The following TNFRSF10B variants were observed in gnomAD, a reference collection of about 807,000 sequenced individuals.
TNFRSF10B encodes the protein tumor necrosis factor receptor superfamily member 10B.
Under a neutral mutation model 41.4 loss-of-function variants are expected in TNFRSF10B, and 35 were observed. That is an observed-to-expected ratio of 0.85 (90% confidence interval 0.65 to 1.12). The LOEUF (loss-of-function observed/expected upper bound fraction) is 1.12, where lower values mean the gene tolerates loss of function less well. Among genes scored for constraint, TNFRSF10B ranks in the 50% most tolerant of loss-of-function variants. The pLI, the probability that TNFRSF10B is intolerant of heterozygous loss-of-function variation, is 0.00. For synonymous variants in TNFRSF10B, 230 were observed against 215.5 expected (o/e 1.07, Z -0.59); for missense variants, 584 against 552.7 (o/e 1.06, Z -0.57).
intron 2 of TNFRSF10B, among the ~76,000 whole-genome samples, chr8:23,033,307 G>A (rs1031394297): frequency 6.6e-5 from 10 of 152,132 alleles, no homozygotes; most frequent in Admixed American, 1.3e-4. Context: ...ACTGGAGGCC[G>A]GGTGCGGTGG....
intron 4 of TNFRSF10B, among the ~76,000 whole-genome samples, chr8:23,029,321 A>G (rs530181748): frequency 1.3e-5 from 2 of 152,360 alleles, no homozygotes; most frequent in Admixed American, 1.3e-4. Flanking sequence ...TCTTATTTCA[A>G]GAGAAATTAA....
chr8:23,028,128 C>T, intron 5 of TNFRSF10B: 1 of 685,130 alleles, frequency 1.5e-6, no homozygotes, highest in Non-Finnish European at 2.4e-6. Flanking sequence ...TGGGGACCCC[C>T]AGACCTGGGA....
intron 4 of TNFRSF10B, among the ~76,000 whole-genome samples, chr8:23,028,976 T>A (rs1191366376): frequency 1.3e-5 from 2 of 152,182 alleles, no homozygotes; most frequent in Admixed American, 1.3e-4. Context: ...ACCACAAAAG[T>A]GAGCTCTTGT....
chr8:23,023,205 G>A (rs944799044), intron 8 of TNFRSF10B, among the ~76,000 whole-genome samples: 6 of 152,126 alleles, frequency 3.9e-5, no homozygotes, highest in Non-Finnish European at 5.9e-5. Context: ...AGTCGTCAGA[G>A]AATCAGCCCT....
chr8:23,057,179 A>G (rs908881284), intron 1 of TNFRSF10B, among the ~76,000 whole-genome samples: 5 of 150,970 alleles, frequency 3.3e-5, no homozygotes, highest in African/African-American at 9.9e-5. Context: ...AGCTGGGACT[A>G]CAGGAGCCCA....
At chr8:23,024,587 C>T (rs1329414569) in intron 7 of TNFRSF10B, among the ~76,000 whole-genome samples, 2 of 151,516 alleles carry the variant, frequency 1.3e-5, no homozygotes, top group African/African-American at 4.9e-5. Context: ...ATAGTGCGAT[C>T]TTGGCTCACT....
intron 6 of TNFRSF10B, 106 bp downstream of exon 6, chr8:23,027,616 T>C (rs991411528): frequency 5.9e-6 from 9 of 1,513,440 alleles, no homozygotes; most frequent in Non-Finnish European, 8.2e-6. Context: ...CTTCAGAGAG[T>C]CAGGGCAGCC....
At chr8:23,024,395 G>C in intron 7 of TNFRSF10B, 135 bp from the exon 8 acceptor site, 1 of 931,420 alleles carries the variant, frequency 1.1e-6, no homozygotes, top group Non-Finnish European at 1.7e-6. Context: ...CTGGCAACAA[G>C]ACAGGAGACA....
Position 23,022,976 on chromosome 8 carries a change from G to A in TNFRSF10B, c.1018C>T (p.Gln340Ter). The A allele has an allele frequency of 1.9e-6, 3 of 1,611,940 alleles. No homozygotes were observed. Among genetic ancestry groups the A allele is most frequent in the Non-Finnish European group, 2.5e-6 (3 of 1,180,012 alleles). Residue 340 changes from glutamine to a stop codon, truncating the protein, a stop_gained, in exon 9 of 9, where the codon CAG becomes TAG. Coordinates refer to ENST00000276431, the MANE Select transcript of TNFRSF10B (RefSeq NM_003842.5). LOFTEE classifies it low-confidence loss of function (END_TRUNC). Reference sequence around the variant, plus strand: ...AAGTCTGCAAAGTCATCGAAGCACTGTCTCAGAGCTGGTGGAGAAAGCCAC... The same window carrying A: ...AAGTCTGCAAAGTCATCGAAGCACTATCTCAGAGCTGGTGGAGAAAGCCAC... ...NEGDPTETLR[Q>*]CFDDFADLVP...
chr8:23,021,058 AAC>A lies in TNFRSF10B; in HGVS notation c.*1611_*1612del, dbSNP rs911391171. ...CCCACCCAAACCAGTCCCGGAACAA[AAC>A]ACACAATGCCTTGAGACAGAAAAGA... is the stretch of plus-strand genomic sequence containing the variant. On this transcript the variant is annotated 3_prime_UTR_variant, in exon 9 of 9. Coordinates refer to ENST00000276431, the MANE Select transcript of TNFRSF10B (RefSeq NM_003842.5). The A allele has an allele frequency of 5.7e-5, 26 of 454,024 alleles. No individual in the cohort carries two copies. Among genetic ancestry groups the A allele is most frequent in the Admixed American group, 5.6e-4 (24 of 42,556 alleles). The allele number at this position is 454,024 out of a possible 1,614,324, so 28.1% of individuals were successfully genotyped here. A position where few individuals can be genotyped will look rare whatever the true frequency, so the allele number is the denominator to read the frequency against.
rs35974498 is a variant in TNFRSF10B, at chr8:23,020,813, G to A, written c.*1858C>T. ...CTGGGACCGGACTGGCACCTTCTGA[G>A]CCCTGAGGCTGAGCGTCCTGCACAG... On this transcript the variant is annotated 3_prime_UTR_variant, in exon 9 of 9. Transcript: ENST00000276431. 1 of 454,016 alleles carries A rather than the reference G, an allele frequency of 2.2e-6. No individual in the cohort carries two copies. Among genetic ancestry groups the A allele is most frequent in the African/African-American group, 2.0e-5 (1 of 50,012 alleles). 28.1% of individuals were successfully genotyped at this position (454,016 alleles called of 1,614,324 possible). A position where few individuals can be genotyped will look rare whatever the true frequency, so the allele number is the denominator to read the frequency against.
At chr8:23,046,883 A>C (rs1563317828) in intron 1 of TNFRSF10B, among the ~76,000 whole-genome samples, 1 of 152,202 alleles carries the variant, frequency 6.6e-6, no homozygotes, top group East Asian at 1.9e-4. Flanking sequence ...AAATGGTGTT[A>C]GGAAAGCTGG....
chr8:23,050,690 GC>G, intron 1 of TNFRSF10B, among the ~76,000 whole-genome samples: 1 of 152,282 alleles, frequency 6.6e-6, no homozygotes, highest in African/African-American at 2.4e-5. Flanking sequence ...TTGTTTAAGT[GC>G]ACTGTAAAAG....
chr8:23,023,404 G>A (rs1190958595), intron 8 of TNFRSF10B, among the ~76,000 whole-genome samples: 4 of 152,204 alleles, frequency 2.6e-5, no homozygotes, highest in Admixed American at 2.6e-4. Flanking sequence ...TCTGTGGAAA[G>A]CACAGGGCCT....
rs569331357 is a variant in TNFRSF10B at position 23,068,859 on chromosome 8, C to T, written c.36G>A (p.Ser12=). ...CTGGGCCGTGCCTTTTCCGGGCCCC[C>T]GAAGCGGCCGGGGCGTTCTGTCCCC... ...EQRGQNAPAA[S]GARKRHGPGP... is the part of the protein sequence containing the mutation. The change falls in exon 1 of 9, where the codon TCG becomes TCA. Residue 12 remains serine (S), a synonymous_variant. Transcript: ENST00000276431. The T allele has an allele frequency of 1.9e-6, 3 of 1,613,454 alleles. No homozygotes were observed. The highest frequency in any genetic ancestry group is 2.2e-5 in the South Asian group (2 of 91,076).
At chr8:23,037,506 C>T (rs1812060505) in intron 2 of TNFRSF10B, among the ~76,000 whole-genome samples, 1 of 152,248 alleles carries the variant, frequency 6.6e-6, no homozygotes. Context: ...TGCAATGCTT[C>T]TGTCAAAACT....
At chr8:23,043,753 C>T (rs1812276814) in intron 1 of TNFRSF10B, among the ~76,000 whole-genome samples, 1 of 152,126 alleles carries the variant, frequency 6.6e-6, no homozygotes, top group Admixed American at 6.5e-5. Flanking sequence ...ACATATAGAC[C>T]AGAGAGCCCA....
intron 1 of TNFRSF10B, chr8:23,068,393 G>A (rs1320542407): frequency 5.7e-6 from 2 of 348,110 alleles, no homozygotes; most frequent in Non-Finnish European, 1.1e-5. Flanking sequence ...AAGAAAGGAA[G>A]AAAGAGAAAA....
intron 1 of TNFRSF10B, among the ~76,000 whole-genome samples, chr8:23,043,926 G>A (rs1249494966): frequency 1.3e-5 from 2 of 152,144 alleles, no homozygotes; most frequent in African/African-American, 4.8e-5. Flanking sequence ...TTTGCTCCTA[G>A]GCTACAAACC....
Sources: allele counts gnomAD v4.1 joint callset (sites outside exome capture counted in the v4.1 genomes callset), GRCh38; gene constraint gnomAD v4.1.1; transcripts MANE v1.5; gene names NCBI Gene and HGNC (gene_info 2026-07-23, HGNC 2026-07-21).